TNRC6A: variants seen among roughly 807,000 people sequenced by gnomAD.
The protein encoded by TNRC6A is trinucleotide repeat-containing gene 6A protein.
In TNRC6A, 44 loss-of-function variants were observed where a neutral mutation model predicts 221.2. The observed-to-expected ratio is 0.20, with a 90% CI of 0.16 to 0.26. The LOEUF is 0.26. Among genes scored for constraint, TNRC6A ranks in the 10% least tolerant of loss-of-function variants. The pLI is 1.00. For synonymous variants in TNRC6A, 847 were observed against 838.5 expected, an observed-to-expected ratio of 1.01 and a Z score of -0.18; for missense variants, 2,199 against 2,404.4, an observed-to-expected ratio of 0.91 and a Z score of 1.79.
chr16:24,723,771 A>C (rs2056450515), intron 2 of TNRC6A, among the ~76,000 whole-genome samples: 1 of 152,166 alleles, frequency 6.6e-6, no homozygotes. Context: ...CCAGTAATGC[A>C]ATTATCACAT....
intron 2 of TNRC6A, among the ~76,000 whole-genome samples, chr16:24,645,326 T>G (rs1268411766): frequency 6.6e-6 from 1 of 151,678 alleles, no homozygotes; most frequent in East Asian, 2.0e-4. Context: ...GCCAACATGG[T>G]GAAACCCCAT....
chr16:24,769,145 A>AT (rs537414129), intron 4 of TNRC6A, among the ~76,000 whole-genome samples: 9 of 151,982 alleles, frequency 5.9e-5, no homozygotes, highest in Admixed American at 1.3e-4. Flanking sequence ...GACAATTGCT[A>AT]TTTTTTTTCA....
intron 2 of TNRC6A, among the ~76,000 whole-genome samples, chr16:24,676,698 C>T (rs1199886955): frequency 6.6e-6 from 1 of 152,086 alleles, no homozygotes; most frequent in Non-Finnish European, 1.5e-5. Context: ...AAGCAATCCA[C>T]CCCCGTCAGC....
chr16:24,704,870 G>T (rs1421117016), intron 2 of TNRC6A, among the ~76,000 whole-genome samples: 6 of 151,616 alleles, frequency 4.0e-5, no homozygotes, highest in African/African-American at 1.5e-4. Flanking sequence ...ACTAGGGCAC[G>T]ATGGTTCACA....
At chr16:24,756,654 T>G (rs2057258276) in intron 3 of TNRC6A, among the ~76,000 whole-genome samples, 1 of 152,066 alleles carries the variant, frequency 6.6e-6, no homozygotes, top group Admixed American at 6.6e-5. Context: ...ATGGTATACT[T>G]TGTTTTGTTT....
chr16:24,822,859 C>A lies in TNRC6A; in HGVS notation c.5374-15C>A, dbSNP rs998995881. ...GGTGACGCCTCTCACTGGCAGTTTC[C>A]ACACTGTTTCCTAGATCGATGGCTC... On this transcript the variant is annotated splice_polypyrimidine_tract_variant and intron_variant, in intron 23 of 24. Transcript: ENST00000395799. 6.2e-7 allele frequency: 1 copy of A among 1,612,820 alleles called. No individual in the cohort carries two copies. The highest frequency in any genetic ancestry group is 2.2e-5 in the East Asian group (1 of 44,880).
At chr16:24,686,250 C>G (rs2055623503) in intron 2 of TNRC6A, among the ~76,000 whole-genome samples, 1 of 152,120 alleles carries the variant, frequency 6.6e-6, no homozygotes, top group Non-Finnish European at 1.5e-5. Flanking sequence ...GAGACGGGCT[C>G]TGGGGCAGTT....
At position 24,823,929 on chromosome 16, in the gene TNRC6A, C is replaced by T; in HGVS notation, c.*122C>T. On this transcript the variant is annotated 3_prime_UTR_variant, in exon 25 of 25. Transcript: ENST00000395799. The surrounding 1 kb of genome is among the most constrained non-coding windows in gnomAD (Gnocchi z 4.3). ...ACAGCTATTCTCTGCACATTTTCCA[C>T]TTTGTTTTCCCCAAAACATATCAGT... 1 of 1,036,226 alleles carries T rather than the reference C, an allele frequency of 9.7e-7. No individual in the cohort carries two copies. Among genetic ancestry groups the T allele is most frequent in the Non-Finnish European group, 1.3e-6 (1 of 770,580 alleles). The allele number at this position is 1,036,226 out of a possible 1,614,324, so 64.2% of individuals were successfully genotyped here. A position where few individuals can be genotyped will look rare whatever the true frequency, so the allele number is the denominator to read the frequency against.
rs754365157 is a variant in TNRC6A at position 24,797,954 on chromosome 16, G to A, written c.3682G>A (p.Asp1228Asn). Reference sequence around the variant, plus strand: ...GGAAAATGTACAAAGCAATAAGATGGACCTTTCTGGAGGTAAGAGAAAATT... The same window carrying A: ...GGAAAATGTACAAAGCAATAAGATGAACCTTTCTGGAGGTAAGAGAAAATT... ...PEENVQSNKM[D>N]LSGGMLQDKR... The change falls in exon 11 of 25, where the codon GAC becomes AAC. Residue 1228 changes from aspartate (D) to asparagine (N), a missense_variant. By Grantham distance (23) the Asp-to-Asn change is conservative. Around this residue, in one of 8 missense-constraint regions of TNRC6A, gnomAD observed 158 missense variants for 159.1 expected, o/e 0.99. Coordinates refer to ENST00000395799, the MANE Select transcript of TNRC6A (RefSeq NM_014494.4). The A allele has an allele frequency of 2.5e-6, 4 of 1,610,000 alleles. No homozygotes were observed. The African/African-American group carries it at 5.3e-5, about 22-fold the overall frequency.
At chr16:24,663,804 A>G in intron 2 of TNRC6A, 1 of 414,036 alleles carries the variant, frequency 2.4e-6, no homozygotes, top group East Asian at 7.1e-5. Context: ...AGGCTGATAC[A>G]GCATGACCGC....
chr16:24,698,386 G>A (rs975770480), intron 2 of TNRC6A, among the ~76,000 whole-genome samples: 1 of 152,140 alleles, frequency 6.6e-6, no homozygotes, highest in Non-Finnish European at 1.5e-5. Flanking sequence ...ACCAGCAGTA[G>A]TGGGAAATGA....
At chr16:24,643,674 A>T (rs1902116816) in intron 2 of TNRC6A, among the ~76,000 whole-genome samples, 1 of 152,100 alleles carries the variant, frequency 6.6e-6, no homozygotes, top group African/African-American at 2.4e-5. Context: ...TCTGTAGTGG[A>T]CATTCTATCT....
intron 2 of TNRC6A, among the ~76,000 whole-genome samples, chr16:24,749,921 C>G (rs149145857): frequency 0.047 from 7,167 of 152,232 alleles, 565 homozygotes; most frequent in East Asian, 0.33. Context: ...GGGCAGATCA[C>G]TTGAGGTCAG....
Position 24,790,114 on chromosome 16 carries a change from C to T in TNRC6A, c.1472C>T (p.Pro491Leu). Reference protein sequence around the residue: ...GAWRVSTMNHPQMQAPSGMNG... With the variant: ...GAWRVSTMNHLQMQAPSGMNG... ...TGGCGTGTGAGCACAATGAATCATC[C>T]TCAGATGCAGGCTCCATCAGGTATG... The change falls in exon 6 of 25, where the codon CCT (proline) becomes CTT (leucine). Residue 491 changes from proline (P) to leucine (L), a missense_variant. This residue lies in a region of TNRC6A where 1,405 missense variants were observed against 1,400.2 expected (regional missense o/e 1.00). Transcript: ENST00000395799. The T allele has an allele frequency of 3.1e-6, 5 of 1,614,212 alleles. No homozygotes were observed. Among genetic ancestry groups the T allele is most frequent in the Non-Finnish European group, 4.2e-6 (5 of 1,180,034 alleles).
At chr16:24,754,579 G>A (rs1252644803) in intron 3 of TNRC6A, among the ~76,000 whole-genome samples, 1 of 152,142 alleles carries the variant, frequency 6.6e-6, no homozygotes, top group Non-Finnish European at 1.5e-5. Flanking sequence ...AAAGGAGGGG[G>A]GTGACAGTAG....
In TNRC6A at chr16:24,826,115, G is replaced by A. The variant is rs1474792352; in HGVS notation, c.*2308G>A. 1 of 152,660 alleles carries A rather than the reference G, an allele frequency of 6.6e-6. No individual in the cohort carries two copies. Among genetic ancestry groups the A allele is most frequent in the East Asian group, 1.9e-4 (1 of 5,202 alleles). 9.5% of individuals were successfully genotyped at this position (152,660 alleles called of 1,614,324 possible). A position where few individuals can be genotyped will look rare whatever the true frequency, so the allele number is the denominator to read the frequency against. Reference sequence around the variant, plus strand: ...TTAAGCTGATTGACCTTCTGACCTTGGGGCTTTGAGTAGTATATAATTCAT... The same window carrying A: ...TTAAGCTGATTGACCTTCTGACCTTAGGGCTTTGAGTAGTATATAATTCAT... On this transcript the variant is annotated 3_prime_UTR_variant, in exon 25 of 25. Transcript: ENST00000395799.
chr16:24,771,577 T>TTA (rs1491189388), intron 4 of TNRC6A, among the ~76,000 whole-genome samples: 1 of 101,762 alleles, frequency 9.8e-6, no homozygotes, highest in Non-Finnish European at 2.0e-5. Context: ...TTATGTTATG[T>TTA]TATGTTGTTA....
intron 2 of TNRC6A, among the ~76,000 whole-genome samples, chr16:24,688,001 C>A (rs2055677205): frequency 6.9e-6 from 1 of 145,898 alleles, no homozygotes; most frequent in African/African-American, 2.5e-5. Context: ...GGCGCGATCT[C>A]TGCTCACTGC....
intron 5 of TNRC6A, among the ~76,000 whole-genome samples, chr16:24,781,855 C>G (rs935737281): frequency 6.7e-6 from 1 of 149,706 alleles, no homozygotes; most frequent in Non-Finnish European, 1.5e-5. Context: ...GATGGAGTCT[C>G]GCTGTTGCCC....
Sources: allele counts gnomAD v4.1 joint callset (sites outside exome capture counted in the v4.1 genomes callset), GRCh38; gene constraint gnomAD v4.1.1; regional missense constraint gnomAD v4.1.1; non-coding constraint Gnocchi (gnomAD v3.1); transcripts MANE v1.5; gene names NCBI Gene and HGNC (gene_info 2026-07-23, HGNC 2026-07-21).